The following SYDE2 variants were observed in gnomAD, a reference collection of about 807,000 sequenced individuals.
The protein encoded by SYDE2 is rho GTPase-activating protein SYDE2.
In SYDE2, 76 loss-of-function variants were observed where a neutral mutation model predicts 91.5. The observed-to-expected ratio is 0.83, with a 90% CI of 0.69 to 1.01. The LOEUF (loss-of-function observed/expected upper bound fraction) is 1.01, where lower values mean the gene tolerates loss of function less well. Among genes scored for constraint, SYDE2 ranks in the 50% least tolerant of loss-of-function variants. The pLI is 0.00. For synonymous variants in SYDE2, 513 were observed against 506.4 expected (o/e 1.01, Z -0.18); for missense variants, 1,364 against 1,367.7 (o/e 1.00, Z 0.04).
At position 85,158,804 on chromosome 1, in the gene SYDE2, C is replaced by T. The variant is rs1250077633; in HGVS notation, c.3531G>A (p.Leu1177=). Residue 1177 remains leucine (L), a synonymous_variant, in exon 7 of 7, where the codon TTG becomes TTA. Coordinates refer to ENST00000341460, the MANE Select transcript of SYDE2 (RefSeq NM_032184.2). The stretch of plus-strand genomic sequence containing the variant: ...TGAGCTCACGTTCCAGATTTCCAAT[C>T]AAAGTATCAATACTTTCTTGTAGAT... ...LKDLQESIDT[L]IGNLERELNK... is the part of the protein sequence containing the mutation. The T allele has an allele frequency of 7.8e-6, 6 of 764,940 alleles. No individual in the cohort carries two copies. Among genetic ancestry groups the T allele is most frequent in the Non-Finnish European group, 1.5e-5 (6 of 413,040 alleles). 47.4% of individuals were successfully genotyped at this position (764,940 alleles called of 1,614,324 possible). A position where few individuals can be genotyped will look rare whatever the true frequency, so the allele number is the denominator to read the frequency against.
intron 2 of SYDE2, among the ~76,000 whole-genome samples, chr1:85,186,494 C>T (rs936342901): frequency 1.3e-5 from 2 of 152,086 alleles, no homozygotes; most frequent in African/African-American, 4.8e-5. Flanking sequence ...TGACTTTCTT[C>T]ATGGAATTGG....
chr1:85,191,938 A>G (rs1425142897), intron 1 of SYDE2, among the ~76,000 whole-genome samples: 2 of 152,200 alleles, frequency 1.3e-5, no homozygotes, highest in Admixed American at 6.5e-5. Flanking sequence ...TAAGCTAAGT[A>G]TATAACTATC....
At chr1:85,160,134 C>T in intron 6 of SYDE2, 1 of 985,046 alleles carries the variant, frequency 1.0e-6, no homozygotes, top group Non-Finnish European at 1.2e-6. Context: ...TAATATCTTT[C>T]TCTTTCTGCA....
chr1:85,200,368 C>T lies in SYDE2; in HGVS notation c.629G>A (p.Arg210His), dbSNP rs1658770543. Residue 210 changes from arginine to histidine, a missense_variant, in exon 1 of 7, where the codon CGT (arginine) becomes CAT (histidine). Coordinates refer to ENST00000341460, the MANE Select transcript of SYDE2 (RefSeq NM_032184.2). The part of the protein sequence containing the change: ...LLSLGMKGRA[R>H]GTAPKVTGTQ... ...TCCTGTGACTTTGGGAGCCGTCCCA[C>T]GGGCACGACCCTTCATTCCCAGGGA... The T allele has an allele frequency of 6.2e-7, 1 of 1,613,930 alleles. No individual in the cohort carries two copies. Among genetic ancestry groups the T allele is most frequent in the Non-Finnish European group, 8.5e-7 (1 of 1,179,916 alleles).
chr1:85,161,849 T>G (rs1657074776), intron 6 of SYDE2, among the ~76,000 whole-genome samples: 1 of 150,486 alleles, frequency 6.6e-6, no homozygotes, highest in African/African-American at 2.5e-5. Context: ...TCAGTATTCT[T>G]AAAACAGAAA....
intron 2 of SYDE2, among the ~76,000 whole-genome samples, chr1:85,187,866 T>TG (rs1305742159): frequency 3.0e-5 from 1 of 33,814 alleles, no homozygotes; most frequent in African/African-American, 1.3e-4. Flanking sequence ...GGGACTGTTG[T>TG]GGGGTGGGGG....
chr1:85,192,564 A>C (rs1188950222), intron 1 of SYDE2, among the ~76,000 whole-genome samples: 1 of 152,224 alleles, frequency 6.6e-6, no homozygotes. Context: ...AGAAATCAGA[A>C]GGCAAGGAAG....
intron 2 of SYDE2, among the ~76,000 whole-genome samples, chr1:85,187,913 C>G (rs1029742137): frequency 2.0e-5 from 3 of 151,030 alleles, no homozygotes; most frequent in Non-Finnish European, 4.4e-5. Context: ...ATAGCTAATG[C>G]TAAATGATGA....
chr1:85,163,292 G>C (rs1657128206), intron 6 of SYDE2, among the ~76,000 whole-genome samples: 1 of 151,234 alleles, frequency 6.6e-6, no homozygotes, highest in Non-Finnish European at 1.5e-5. Context: ...ATTTTTAATG[G>C]AGGCGGGGTT....
At chr1:85,155,741 T>TG (rs1237367111), downstream of SYDE2, among the ~76,000 whole-genome samples, 3 of 152,208 alleles carry the variant, frequency 2.0e-5, no homozygotes, top group African/African-American at 7.2e-5. Context: ...ATAGTGTGAC[T>TG]GCTAGTTACT....
chr1:85,190,640 CT>C lies in SYDE2; in HGVS notation c.857del (p.Lys286ArgfsTer11). 2 of 1,613,888 alleles carry C rather than the reference CT, an allele frequency of 1.2e-6. No individual in the cohort carries two copies. Among genetic ancestry groups the C allele is most frequent in the Non-Finnish European group, 1.7e-6 (2 of 1,179,866 alleles). The stretch of plus-strand genomic sequence containing the variant: ...TACTCTGATATAGCCAATTGCGTTT[CT>C]TTGAAACAGTGATGCTGTTAAGTGG... The part of the protein sequence containing the change: ...HKPLNSITVS[K>X]KRNWLYQSTL... On this transcript the variant is annotated frameshift_variant, in exon 2 of 7. Transcript: ENST00000341460. LOFTEE classifies it high-confidence loss of function.
intron 4 of SYDE2, among the ~76,000 whole-genome samples, chr1:85,175,854 T>G (rs1657676747): frequency 6.6e-6 from 1 of 152,182 alleles, no homozygotes; most frequent in African/African-American, 2.4e-5. Flanking sequence ...ATTGCCTTTT[T>G]ATCAAGAAAA....
chr1:85,164,427 TA>T, intron 6 of SYDE2, 98 bp downstream of exon 6: 1 of 915,414 alleles, frequency 1.1e-6, no homozygotes. Context: ...AAGCAAAATC[TA>T]GAAGAGTTTC....
chr1:85,190,570 C>G lies in SYDE2; in HGVS notation c.928G>C (p.Asp310His), dbSNP rs1302920312. 3.1e-6 allele frequency: 5 copies of G among 1,613,818 alleles called. No homozygotes were observed. The African/African-American group carries it at 6.7e-5, about 22-fold the overall frequency. The change falls in exon 2 of 7, where the codon GAT (aspartate) becomes CAT (histidine). Residue 310 changes from aspartate (D) to histidine (H), a missense_variant. Transcript: ENST00000341460. ...GGTGAGATGGATAAATGACTTCTATCTTGGCATTTCTTATTTTCTTCTTCC... is the reference window on the plus strand; with the variant it reads ...GGTGAGATGGATAAATGACTTCTATGTTGGCATTTCTTATTTTCTTCTTCC... ...NLEEENKKCQDRSHLSISPVS... is the reference protein window; with the variant it reads ...NLEEENKKCQHRSHLSISPVS...
chr1:85,198,190 A>G (rs1471031031), intron 1 of SYDE2, among the ~76,000 whole-genome samples: 1 of 152,136 alleles, frequency 6.6e-6, no homozygotes, highest in East Asian at 1.9e-4. Context: ...TCCACATAGT[A>G]GTTTGAATCC....
rs751563921 is a variant in SYDE2, at chr1:85,182,361, G to A, written c.2281C>T (p.His761Tyr). The change falls in exon 3 of 7, where the codon CAT (histidine) becomes TAT (tyrosine). Residue 761 changes from histidine to tyrosine, a missense_variant. Transcript: ENST00000341460. The stretch of plus-strand genomic sequence containing the variant: ...AAGGTGGGAAGAACAACAGTTCCAT[G>A]ACAACAAACTCGATTTTTTCTTGGA... ...PTPRKNRVCC[H>Y]GTVVLPTLFR... is the part of the protein sequence containing the mutation. The A allele has an allele frequency of 9.9e-6, 16 of 1,613,734 alleles. No individual in the cohort carries two copies. The highest frequency in any genetic ancestry group is 1.4e-5 in the Non-Finnish European group (16 of 1,179,846).
chr1:85,156,408 GA>G (rs1280965150), downstream of SYDE2, among the ~76,000 whole-genome samples: 6 of 149,882 alleles, frequency 4.0e-5, no homozygotes, highest in Non-Finnish European at 8.9e-5. Flanking sequence ...AAAAGAAAAA[GA>G]AAAATTAAAG....
intron 1 of SYDE2, among the ~76,000 whole-genome samples, chr1:85,198,367 C>T (rs1225442291): frequency 3.9e-5 from 6 of 152,114 alleles, no homozygotes; most frequent in African/African-American, 1.4e-4. Flanking sequence ...AACTAAACTT[C>T]ATGAAAAATA....
intron 4 of SYDE2, among the ~76,000 whole-genome samples, chr1:85,173,847 T>C (rs1051693075): frequency 7.9e-5 from 12 of 152,316 alleles, no homozygotes; most frequent in African/African-American, 2.6e-4. Flanking sequence ...TTTCATATGT[T>C]CAAGAAGCTA....
Sources: gnomAD v4.1 joint callset for allele counts (sites outside exome capture counted in the v4.1 genomes callset) on GRCh38, gnomAD v4.1.1 for gene constraint, MANE v1.5 for transcripts, NCBI Gene and HGNC (gene_info 2026-07-23, HGNC 2026-07-21) for gene names.